The following ARL14EPL variants were observed in gnomAD, a reference collection of about 807,000 sequenced individuals.
ARL14EPL encodes the protein ARF like GTPase 14 effector protein like.
A neutral mutation model predicts 15.9 loss-of-function variants in ARL14EPL; 17 were observed. The ratio of observed to expected loss-of-function variants is 1.07; its 90% CI spans 0.73 to 1.60. The LOEUF (loss-of-function observed/expected upper bound fraction) is 1.60. Ranked by LOEUF, ARL14EPL falls within the 40% of genes most tolerant of loss-of-function variation. The pLI is 0.00. For missense variants in ARL14EPL, 214 were observed against 185.9 expected (o/e 1.15, Z -0.88); for synonymous variants, 78 against 63.8 (o/e 1.22, Z -1.06).
At chr5:116,050,780 A>C (rs1048699929) in intron 1 of ARL14EPL, among the ~76,000 whole-genome samples, 100 of 128,848 alleles carry the variant, frequency 7.8e-4, no homozygotes, top group Middle Eastern at 3.8e-3. Context: ...TATGGGCTCC[A>C]TCTCTCTCTC....
At chr5:116,052,369 C>G (rs746335695) in intron 2 of ARL14EPL, 3 of 792,738 alleles carry the variant, frequency 3.8e-6, no homozygotes, top group Non-Finnish European at 6.7e-6. Flanking sequence ...ATTTAATGAA[C>G]CTTTATTTTG....
At chr5:116,037,005 C>G (rs978716293) in intron 1 of ARL14EPL, among the ~76,000 whole-genome samples, 2 of 151,900 alleles carry the variant, frequency 1.3e-5, no homozygotes, top group Non-Finnish European at 2.9e-5. Context: ...GCCCTTTTCT[C>G]AGCAGTAAAA....
chr5:116,040,243 A>G (rs749837095), intron 1 of ARL14EPL, among the ~76,000 whole-genome samples: 22 of 152,042 alleles, frequency 1.4e-4, no homozygotes, highest in Non-Finnish European at 2.9e-4. Context: ...TATAATTTCT[A>G]TTATAGGCAT....
At position 116,058,756 on chromosome 5, in the gene ARL14EPL, C is replaced by G. The variant is rs1359633748; in HGVS notation, c.268C>G (p.Leu90Val). 1 of 1,535,246 alleles carries G rather than the reference C, an allele frequency of 6.5e-7. No individual in the cohort carries two copies. The highest frequency in any genetic ancestry group is 2.0e-5 in the Admixed American group (1 of 50,966). The stretch of plus-strand genomic sequence containing the variant: ...GAGGAAGTATGACAAAAGTGGCAGG[C>G]TCATCTGTAATGACGCTGATCTGTG... ...IMRKYDKSGR[L>V]ICNDADLCDC... is the part of the protein sequence containing the mutation. Residue 90 changes from leucine (L) to valine (V), a missense_variant, in exon 4 of 4, where the codon CTC becomes GTC. By Grantham distance (32) the Leu-to-Val change is conservative. Transcript: ENST00000686077.
chr5:116,043,238 T>C (rs2112671128), intron 1 of ARL14EPL, among the ~76,000 whole-genome samples: 1 of 151,654 alleles, frequency 6.6e-6, no homozygotes, highest in Admixed American at 6.6e-5. Flanking sequence ...GCAATTACTT[T>C]TGCACCAACC....
At chr5:116,044,887 G>C (rs1460536924) in intron 1 of ARL14EPL, among the ~76,000 whole-genome samples, 1 of 152,130 alleles carries the variant, frequency 6.6e-6, no homozygotes, top group Non-Finnish European at 1.5e-5. Flanking sequence ...AGGAAAGAAG[G>C]CAGTACAGTT....
intron 2 of ARL14EPL, among the ~76,000 whole-genome samples, chr5:116,053,672 T>C (rs909876418): frequency 6.6e-6 from 1 of 152,200 alleles, no homozygotes; most frequent in African/African-American, 2.4e-5. Flanking sequence ...CCTTCATCCT[T>C]ACCCACATCA....
At chr5:116,055,145 T>C (rs2662473) in intron 3 of ARL14EPL, among the ~76,000 whole-genome samples, 99,783 of 152,016 alleles carry the variant, frequency 0.66, 34,478 homozygotes, top group Non-Finnish European at 0.79. Flanking sequence ...AGCACATACA[T>C]AGAAGTGCCA....
chr5:116,056,622 C>G (rs1304519869), intron 3 of ARL14EPL, among the ~76,000 whole-genome samples: 5 of 152,082 alleles, frequency 3.3e-5, no homozygotes, highest in Non-Finnish European at 7.3e-5. Context: ...ATGGTAGTTT[C>G]TTTTGCTGTG....
At chr5:116,032,932 G>A (rs1459097354) in intron 1 of ARL14EPL, among the ~76,000 whole-genome samples, 1 of 151,990 alleles carries the variant, frequency 6.6e-6, no homozygotes, top group Non-Finnish European at 1.5e-5. Flanking sequence ...TGAGTAGCTG[G>A]GACTACAGGT....
intron 1 of ARL14EPL, among the ~76,000 whole-genome samples, chr5:116,035,780 C>A (rs1412888144): frequency 6.6e-6 from 1 of 152,178 alleles, no homozygotes; most frequent in Non-Finnish European, 1.5e-5. Context: ...GGACTCAGAC[C>A]TCTGAGGAGG....
At chr5:116,034,612 A>T (rs1398150571) in intron 1 of ARL14EPL, among the ~76,000 whole-genome samples, 1 of 152,192 alleles carries the variant, frequency 6.6e-6, no homozygotes, top group Non-Finnish European at 1.5e-5. Flanking sequence ...AACTAGAAGT[A>T]GTACAACGAA....
chr5:116,057,421 C>CA (rs10660667), intron 3 of ARL14EPL, among the ~76,000 whole-genome samples: 45 of 145,930 alleles, frequency 3.1e-4, no homozygotes, highest in Middle Eastern at 3.5e-3. Context: ...AGGATTTTAC[C>CA]AAAAAAAAAA....
At chr5:116,046,207 C>T (rs556909298) in intron 1 of ARL14EPL, among the ~76,000 whole-genome samples, 1 of 152,252 alleles carries the variant, frequency 6.6e-6, no homozygotes, top group Non-Finnish European at 1.5e-5. Context: ...AAATATATTC[C>T]AAGAGATATC....
At chr5:116,054,284 AC>A in intron 3 of ARL14EPL, 131 bp downstream of exon 3, 1 of 1,063,952 alleles carries the variant, frequency 9.4e-7, no homozygotes, top group Non-Finnish European at 1.3e-6. Context: ...ATATAATAGT[AC>A]CCATGTGTCT....
chr5:116,035,585 C>G (rs990335283), intron 1 of ARL14EPL, among the ~76,000 whole-genome samples: 1 of 152,162 alleles, frequency 6.6e-6, no homozygotes, highest in Non-Finnish European at 1.5e-5. Flanking sequence ...CTACAAGAAA[C>G]AGCTAGCACT....
intron 2 of ARL14EPL, 67 bp downstream of exon 2, chr5:116,051,628 C>G: frequency 7.5e-7 from 1 of 1,325,128 alleles, no homozygotes; most frequent in South Asian, 1.3e-5. Context: ...TCTGAGATGC[C>G]CATGGATGTG....
chr5:116,057,961 A>C (rs1390180071), intron 3 of ARL14EPL, among the ~76,000 whole-genome samples: 1 of 152,178 alleles, frequency 6.6e-6, no homozygotes, highest in Non-Finnish European at 1.5e-5. Context: ...ATTTATTTCA[A>C]AATGGTTGGG....
chr5:116,053,721 A>G (rs1561580703), intron 2 of ARL14EPL, among the ~76,000 whole-genome samples: 1 of 152,220 alleles, frequency 6.6e-6, no homozygotes, highest in African/African-American at 2.4e-5. Context: ...AGATTTGGAA[A>G]GCTGAGTGGC....
Sources: gnomAD v4.1 joint callset for allele counts (sites outside exome capture counted in the v4.1 genomes callset) on GRCh38, gnomAD v4.1.1 for gene constraint, MANE v1.5 for transcripts, NCBI Gene and HGNC (gene_info 2026-07-23, HGNC 2026-07-21) for gene names.